TMEM178B: variants seen among roughly 807,000 people sequenced by gnomAD.
The protein encoded by TMEM178B is transmembrane protein 178B.
Under a neutral mutation model 31.0 loss-of-function variants are expected in TMEM178B, and 5 were observed. That is an observed-to-expected ratio of 0.16 (90% CI 0.08 to 0.34). The LOEUF is 0.34. Among genes scored for constraint, TMEM178B ranks in the 10% least tolerant of loss-of-function variants. The pLI is 1.00. For synonymous variants in TMEM178B, 164 were observed against 164.0 expected (o/e 1.00, Z 0.00); for missense variants, 275 against 400.3 (o/e 0.69, Z 2.67).
intron 1 of TMEM178B, among the ~76,000 whole-genome samples, chr7:141,105,789 A>T (rs1285006071): frequency 6.6e-6 from 1 of 152,106 alleles, no homozygotes; most frequent in African/African-American, 2.4e-5. Flanking sequence ...CTTTTAATAG[A>T]GCCTTTAAAA....
chr7:141,187,921 T>G (rs1796637243), intron 1 of TMEM178B, among the ~76,000 whole-genome samples: 2 of 152,230 alleles, frequency 1.3e-5, no homozygotes, highest in Non-Finnish European at 2.9e-5. Flanking sequence ...TAGTTTCTTT[T>G]GCTGTGCAGA....
chr7:141,349,600 A>G (rs568004727), intron 2 of TMEM178B, among the ~76,000 whole-genome samples: 18 of 152,222 alleles, frequency 1.2e-4, no homozygotes, highest in Non-Finnish European at 2.4e-4. Flanking sequence ...CAGAGAAGCA[A>G]TAAACAAAAC....
At chr7:141,247,613 G>A (rs1411118183) in intron 2 of TMEM178B, among the ~76,000 whole-genome samples, 1 of 152,150 alleles carries the variant, frequency 6.6e-6, no homozygotes, top group Non-Finnish European at 1.5e-5. Flanking sequence ...ATGGAGCCAT[G>A]CTTTGTCTTT....
intron 2 of TMEM178B, among the ~76,000 whole-genome samples, chr7:141,228,142 T>C (rs6951501): frequency 0.37 from 56,470 of 152,014 alleles, 10,939 homozygotes; most frequent in Non-Finnish European, 0.43. Context: ...GGCTTTCAGG[T>C]CTCACATCAT....
rs151311139 is a variant in TMEM178B at position 141,448,421 on chromosome 7, G to A, written c.634+10676G>A. On this transcript the variant is annotated intron_variant, in intron 3 of 3. Coordinates refer to ENST00000565468, the MANE Select transcript of TMEM178B (RefSeq NM_001195278.2). ...CCTGGACTGGTGGCAACAGCAAGGT[G>A]AAGATTTTGAGGCCAAGGATTCAGA... Among the ~76,000 whole-genome samples the A allele has an allele frequency of 7.0e-4, 107 of 152,330 alleles. 2 individuals are homozygous for A. The highest frequency in any genetic ancestry group is 2.5e-3 in the African/African-American group (103 of 41,582).
intron 2 of TMEM178B, among the ~76,000 whole-genome samples, chr7:141,312,423 A>G (rs555562499): frequency 6.6e-6 from 1 of 152,338 alleles, no homozygotes; most frequent in East Asian, 1.9e-4. Context: ...TCATGAAGCT[A>G]TTCTGTGGCT....
chr7:141,440,800 A>C (rs921011139), intron 3 of TMEM178B, among the ~76,000 whole-genome samples: 1 of 152,224 alleles, frequency 6.6e-6, no homozygotes, highest in African/African-American at 2.4e-5. Flanking sequence ...AGGATGGAGC[A>C]AATTCATCTC....
chr7:141,193,561 G>A (rs908136856), intron 1 of TMEM178B, among the ~76,000 whole-genome samples: 2 of 152,220 alleles, frequency 1.3e-5, no homozygotes, highest in African/African-American at 4.8e-5. Flanking sequence ...GAGAGTGGCT[G>A]TTGGACTGTG....
chr7:141,192,215 C>G (rs1407723706), intron 1 of TMEM178B, among the ~76,000 whole-genome samples: 1 of 152,130 alleles, frequency 6.6e-6, no homozygotes, highest in Non-Finnish European at 1.5e-5. Context: ...AGGCAGAGCC[C>G]TACTGGGAAA....
At chr7:141,177,487 C>T (rs1338943439) in intron 1 of TMEM178B, among the ~76,000 whole-genome samples, 1 of 152,116 alleles carries the variant, frequency 6.6e-6, no homozygotes, top group African/African-American at 2.4e-5. Flanking sequence ...GAGTTCAAGT[C>T]CTGGATATCC....
At chr7:141,341,016 A>AAATATTTTGGAATATTTGG (rs1390825463) in intron 2 of TMEM178B, among the ~76,000 whole-genome samples, 1 of 152,234 alleles carries the variant, frequency 6.6e-6, no homozygotes, top group African/African-American at 2.4e-5. Flanking sequence ...TGCAGCCAAA[A>AAATATTTTGGAATATTTGG]AATATTGAGG....
intron 1 of TMEM178B, among the ~76,000 whole-genome samples, chr7:141,101,033 C>T (rs1795048358): frequency 6.6e-6 from 1 of 152,176 alleles, no homozygotes; most frequent in Non-Finnish European, 1.5e-5. Flanking sequence ...AGCTATTACA[C>T]CACTCCCTGG....
chr7:141,404,107 C>A (rs541843149), intron 2 of TMEM178B, among the ~76,000 whole-genome samples: 3 of 152,264 alleles, frequency 2.0e-5, no homozygotes, highest in African/African-American at 4.8e-5. Context: ...AGCTCGAGAC[C>A]ATCCTGGCTA....
intron 2 of TMEM178B, among the ~76,000 whole-genome samples, chr7:141,292,056 C>T (rs939047018): frequency 6.6e-6 from 1 of 152,012 alleles, no homozygotes; most frequent in Non-Finnish European, 1.5e-5. Context: ...TTACAAATAG[C>T]CATCCTGTGC....
intron 2 of TMEM178B, among the ~76,000 whole-genome samples, chr7:141,401,117 G>T (rs1264790012): frequency 1.3e-5 from 2 of 152,072 alleles, no homozygotes; most frequent in African/African-American, 2.4e-5. Flanking sequence ...TCATCCTCAG[G>T]TTTATCCAGT....
rs770245307 is a variant in TMEM178B, at chr7:141,470,612, G to C, written c.711G>C (p.Leu237=). Residue 237 remains leucine (L), a synonymous_variant, in exon 4 of 4, where the codon CTG becomes CTC. Coordinates refer to ENST00000565468, the MANE Select transcript of TMEM178B (RefSeq NM_001195278.2). ...NFELSRYPRY[L]YGLPDDISHG... ...AGCTGTCACGCTACCCACGCTACCT[G>C]TACGGACTCCCTGATGACATCAGCC... 1.5e-5 allele frequency: 23 copies of C among 1,535,260 alleles called. No homozygotes were observed. The highest frequency in any genetic ancestry group is 1.7e-5 in the Non-Finnish European group (20 of 1,146,688).
At chr7:141,456,671 C>T (rs765681401) in intron 3 of TMEM178B, among the ~76,000 whole-genome samples, 3 of 152,178 alleles carry the variant, frequency 2.0e-5, no homozygotes, top group Non-Finnish European at 4.4e-5. Flanking sequence ...TTGTAAGTCT[C>T]GTTCCCAGCA....
At chr7:141,432,763 A>G (rs746338352) in intron 2 of TMEM178B, among the ~76,000 whole-genome samples, 56 of 152,092 alleles carry the variant, frequency 3.7e-4, no homozygotes, top group Middle Eastern at 3.4e-3. Flanking sequence ...TTTTCTCCCC[A>G]TTCATGGGCT....
chr7:141,508,225 G>A, the TMEM178B span, among the ~76,000 whole-genome samples: 1 of 151,990 alleles, frequency 6.6e-6, no homozygotes, highest in Non-Finnish European at 1.5e-5. Flanking sequence ...CTAGGGCAGG[G>A]GCAAAATGCT....
Sources: allele counts gnomAD v4.1 joint callset (sites outside exome capture counted in the v4.1 genomes callset), GRCh38; gene constraint gnomAD v4.1.1; transcripts MANE v1.5; gene names NCBI Gene and HGNC (gene_info 2026-07-23, HGNC 2026-07-21).